Variants in ADAMTS2 observed in about 807,000 individuals in gnomAD.
ADAMTS2 encodes the protein A disintegrin and metalloproteinase with thrombospondin motifs 2.
Under a neutral mutation model 123.0 loss-of-function variants are expected in ADAMTS2, and 50 were observed. The ratio of observed to expected loss-of-function variants is 0.41; its 90% CI spans 0.32 to 0.51. ADAMTS2 has a LOEUF of 0.51. Ranked by LOEUF, ADAMTS2 falls within the 20% of genes least tolerant of loss-of-function variation. The probability of loss-of-function intolerance (pLI) is 0.35; values close to 1 mark genes in which losing one functional copy is unlikely to be tolerated. For missense variants in ADAMTS2, 1,494 were observed against 1,705.2 expected (o/e 0.88, Z 2.18); for synonymous variants, 678 against 695.4 (o/e 0.98, Z 0.39).
chr5:179,224,247 C>CT (rs1370587045), intron 3 of ADAMTS2, among the ~76,000 whole-genome samples: 2 of 152,230 alleles, frequency 1.3e-5, no homozygotes, highest in East Asian at 3.9e-4. Flanking sequence ...GTCTTCTCCT[C>CT]TTTTTCTTGG....
In ADAMTS2 at chr5:179,132,262, A is replaced by G; in HGVS notation, c.2258T>C (p.Ile753Thr). Residue 753 changes from isoleucine (I) to threonine (T), a missense_variant, in exon 15 of 22, where the codon ATT (isoleucine) becomes ACT (threonine). By Grantham distance (89) the Ile-to-Thr change is moderately conservative. Transcript: ENST00000251582. This position sits in a 1 kb window ranked among gnomAD's most constrained non-coding sequence, Gnocchi z 6.1. The stretch of plus-strand genomic sequence containing the variant: ...GTGGCTGGTGGCGTCTACCTCCTGA[A>G]TGAGCAGGTGTCTGGCTCCTGCAGG... ...EIPAGARHLL[I>T]QEVDATSHHL... 1 of 1,614,200 alleles carries G rather than the reference A, an allele frequency of 6.2e-7. No homozygotes were observed. Among genetic ancestry groups the G allele is most frequent in the Non-Finnish European group, 8.5e-7 (1 of 1,180,044 alleles).
At chr5:179,154,727 T>A in intron 7 of ADAMTS2, 87 bp downstream of exon 7, 1 of 1,151,092 alleles carries the variant, frequency 8.7e-7, no homozygotes, top group Admixed American at 2.0e-5. Context: ...GGCGTGTCCC[T>A]CTTAAGGCAC....
Position 179,272,926 on chromosome 5 carries a change from G to A in ADAMTS2, c.673C>T (p.Gln225Ter), listed in dbSNP as rs137853146. The change falls in exon 3 of 22, where the codon CAG (glutamine) becomes TAG (stop). Residue 225 changes from glutamine (Q) to a stop codon, truncating the protein, a stop_gained. Coordinates refer to ENST00000251582, the MANE Select transcript of ADAMTS2 (RefSeq NM_014244.5). LOFTEE classifies it high-confidence loss of function. The surrounding 1 kb of genome is among the most constrained non-coding windows in gnomAD (Gnocchi z 5.8). Reference protein sequence around the residue: ...PPTSPPLGGPQALDTGASLDS... With the variant: ...PPTSPPLGGP ...GTAGCCTCACCTGTGTCCAGGGCCT[G>A]TGGCCCCCCGAGAGGAGGGGACGTG... is the stretch of plus-strand genomic sequence containing the variant. 126 of 1,610,038 alleles carry A rather than the reference G, an allele frequency of 7.8e-5. No individual in the cohort carries two copies. Among genetic ancestry groups the A allele is most frequent in the Admixed American group, 1.7e-5 (1 of 60,000 alleles).
At chr5:179,263,837 G>A (rs138112685) in intron 3 of ADAMTS2, among the ~76,000 whole-genome samples, 3 of 152,348 alleles carry the variant, frequency 2.0e-5, no homozygotes, top group East Asian at 1.9e-4. Context: ...ACCTTTCCCC[G>A]CTCAGAGCTC....
intron 3 of ADAMTS2, among the ~76,000 whole-genome samples, chr5:179,227,939 A>G (rs1221624128): frequency 6.6e-6 from 1 of 152,122 alleles, no homozygotes; most frequent in Non-Finnish European, 1.5e-5. Flanking sequence ...GGGGAGTCAC[A>G]GCTTGGGTGC....
intron 5 of ADAMTS2, among the ~76,000 whole-genome samples, chr5:179,171,151 G>A (rs1166040685): frequency 1.3e-5 from 2 of 152,172 alleles, no homozygotes; most frequent in African/African-American, 4.8e-5. Flanking sequence ...CGTATGGTAC[G>A]GAAGTATTGG....
At chr5:179,286,155 A>G (rs1756013085) in intron 2 of ADAMTS2, among the ~76,000 whole-genome samples, 1 of 149,994 alleles carries the variant, frequency 6.7e-6, no homozygotes, top group Non-Finnish European at 1.5e-5. Flanking sequence ...CGGAGGTTGC[A>G]ATGAGCTAAG....
rs753921602 is a variant in ADAMTS2, at chr5:179,135,923, G to A, written c.2071C>T (p.Arg691Cys). 6.2e-6 allele frequency: 10 copies of A among 1,613,148 alleles called. No individual in the cohort carries two copies. The highest frequency in any genetic ancestry group is 1.1e-5 in the South Asian group (1 of 91,080). ...TGTGTACTCACCCTGCAGTCCCCGC[G>A]CACACAGAGGCTGAAGGCGTCCTTG... ...SYKDAFSLCV[R>C]GDCRKVGCDG... is the part of the protein sequence containing the mutation. The change falls in exon 13 of 22, where the codon CGC (arginine) becomes TGC (cysteine). Residue 691 changes from arginine (R) to cysteine (C), a missense_variant. Transcript: ENST00000251582.
intron 3 of ADAMTS2, among the ~76,000 whole-genome samples, chr5:179,227,889 T>C (rs912144437): frequency 6.7e-6 from 1 of 149,592 alleles, no homozygotes; most frequent in Admixed American, 6.6e-5. Flanking sequence ...GGAAGGAGGG[T>C]GGAAGGCAGG....
At chr5:179,159,176 G>A (rs960778626) in intron 5 of ADAMTS2, among the ~76,000 whole-genome samples, 3 of 152,174 alleles carry the variant, frequency 2.0e-5, no homozygotes, top group Non-Finnish European at 4.4e-5. Context: ...TAGTCCCACC[G>A]TCTACCCCAT....
In ADAMTS2 at chr5:179,301,828, G is replaced by A. The variant is rs1232994662; in HGVS notation, c.535-28764C>T. 2.0e-5 allele frequency among the ~76,000 whole-genome samples: 3 copies of A among 152,268 alleles called. No homozygotes were observed. The East Asian group carries it at 5.8e-4, about 29-fold the overall frequency. Reference sequence around the variant, plus strand: ...TGCCCCAGCAGTGTCCTCTCATCCAGCGTGTGAAGAAGGAGTGCAGCCGGA... The same window carrying A: ...TGCCCCAGCAGTGTCCTCTCATCCAACGTGTGAAGAAGGAGTGCAGCCGGA... On this transcript the variant is annotated intron_variant, in intron 2 of 21. Transcript: ENST00000251582.
At chr5:179,254,247 G>C (rs1765993461) in intron 3 of ADAMTS2, among the ~76,000 whole-genome samples, 1 of 152,172 alleles carries the variant, frequency 6.6e-6, no homozygotes, top group Admixed American at 6.5e-5. Flanking sequence ...AGGGGCCCTG[G>C]AGCTTTTAGA....
intron 3 of ADAMTS2, among the ~76,000 whole-genome samples, chr5:179,213,588 C>T (rs919923051): frequency 3.3e-5 from 5 of 152,004 alleles, no homozygotes; most frequent in South Asian, 2.1e-4. Flanking sequence ...GCAGCAGGGC[C>T]GGAGGGGCCA....
intron 5 of ADAMTS2, among the ~76,000 whole-genome samples, chr5:179,178,647 C>T (rs1363568804): frequency 6.6e-6 from 1 of 152,214 alleles, no homozygotes; most frequent in Non-Finnish European, 1.5e-5. Context: ...CAGAGGGTTG[C>T]TTTTTCCAAA....
At chr5:179,338,819 G>A (rs1757690552) in intron 2 of ADAMTS2, among the ~76,000 whole-genome samples, 1 of 152,178 alleles carries the variant, frequency 6.6e-6, no homozygotes, top group Admixed American at 6.5e-5. Flanking sequence ...GGGCAGTGGG[G>A]GGTACAAGAG....
At chr5:179,182,491 G>A (rs1283269009) in intron 4 of ADAMTS2, among the ~76,000 whole-genome samples, 1 of 152,164 alleles carries the variant, frequency 6.6e-6, no homozygotes, top group East Asian at 1.9e-4. Flanking sequence ...CAGGAAACCC[G>A]AGGGTTCACA....
intron 3 of ADAMTS2, among the ~76,000 whole-genome samples, chr5:179,231,788 C>T (rs1250674211): frequency 6.6e-6 from 1 of 151,576 alleles, no homozygotes; most frequent in East Asian, 1.9e-4. Flanking sequence ...AGTGGCTCAC[C>T]CCTGCAGTCT....
At chr5:179,224,436 T>C (rs1266603921) in intron 3 of ADAMTS2, among the ~76,000 whole-genome samples, 1 of 152,204 alleles carries the variant, frequency 6.6e-6, no homozygotes, top group Non-Finnish European at 1.5e-5. Context: ...GACCTAGACA[T>C]ATTTTGTTCA....
intron 10 of ADAMTS2, 94 bp downstream of exon 10, chr5:179,152,048 A>G (rs1301421895): frequency 8.6e-7 from 1 of 1,165,022 alleles, no homozygotes; most frequent in Non-Finnish European, 1.3e-6. Flanking sequence ...GAGGGCCCCC[A>G]CCCCCACTTC....
Sources: allele counts gnomAD v4.1 joint callset (sites outside exome capture counted in the v4.1 genomes callset), GRCh38; gene constraint gnomAD v4.1.1; non-coding constraint Gnocchi (gnomAD v3.1); transcripts MANE v1.5; gene names NCBI Gene and HGNC (gene_info 2026-07-23, HGNC 2026-07-21).